The following STXBP3 variants were observed in gnomAD, a reference collection of about 807,000 sequenced individuals.
STXBP3 encodes the protein syntaxin-binding protein 3.
In STXBP3, 41 loss-of-function variants were observed where a neutral mutation model predicts 85.7. The ratio of observed to expected loss-of-function variants is 0.48; its 90% CI spans 0.37 to 0.62. The LOEUF is 0.62. STXBP3 is among the 20% of genes least tolerant of loss of function. The pLI, the probability that STXBP3 is intolerant of heterozygous loss-of-function variation, is 0.00. For synonymous variants in STXBP3, 229 were observed against 231.7 expected (o/e 0.99, Z 0.10); for missense variants, 563 against 703.1 (o/e 0.80, Z 2.25).
At chr1:108,791,984 G>C (rs563100265) in intron 11 of STXBP3, among the ~76,000 whole-genome samples, 5 of 152,194 alleles carry the variant, frequency 3.3e-5, no homozygotes, top group African/African-American at 7.2e-5. Context: ...TTTTATTGCT[G>C]AGTAGTATTC....
At chr1:108,755,380 A>C (rs1661997815) in intron 3 of STXBP3, among the ~76,000 whole-genome samples, 1 of 152,072 alleles carries the variant, frequency 6.6e-6, no homozygotes, top group South Asian at 2.1e-4. Flanking sequence ...CAGGGAAGTC[A>C]AGGCTGCAGT....
intron 6 of STXBP3, among the ~76,000 whole-genome samples, chr1:108,770,528 C>T (rs1351046722): frequency 1.3e-5 from 2 of 152,176 alleles, no homozygotes; most frequent in African/African-American, 2.4e-5. Context: ...GGATGAGCCA[C>T]AGCTAAATTT....
At chr1:108,747,356 A>G (rs1032262586) in intron 1 of STXBP3, among the ~76,000 whole-genome samples, 11 of 152,158 alleles carry the variant, frequency 7.2e-5, no homozygotes, top group African/African-American at 2.7e-4. Context: ...TCTTGAGAAG[A>G]GACCATTGGA....
At position 108,793,022 on chromosome 1, in the gene STXBP3, A is replaced by G. The variant is rs546244145; in HGVS notation, c.964-560A>G. On this transcript the variant is annotated intron_variant, in intron 11 of 18. Coordinates refer to ENST00000370008, the MANE Select transcript of STXBP3 (RefSeq NM_007269.4). ...GTTCTTTACTACACCTTTGAGGGTT[A>G]TGCCCTGTACATGTGCAGCTTAGGG... Among the ~76,000 whole-genome samples, 3 of 152,200 alleles carry G rather than the reference A, an allele frequency of 2.0e-5. No homozygotes were observed. In the East Asian group the frequency reaches 5.8e-4, roughly 29 times the overall value.
intron 8 of STXBP3, among the ~76,000 whole-genome samples, chr1:108,778,796 T>G (rs548858776): frequency 2.2e-4 from 34 of 152,306 alleles, no homozygotes; most frequent in African/African-American, 7.2e-4. Flanking sequence ...AGTTGTCCCT[T>G]GGTAAACACA....
At chr1:108,791,762 T>C (rs915964146) in intron 11 of STXBP3, among the ~76,000 whole-genome samples, 1 of 152,136 alleles carries the variant, frequency 6.6e-6, no homozygotes, top group South Asian at 2.1e-4. Flanking sequence ...TAGAGAATAA[T>C]GTCATCACCC....
chr1:108,748,357 C>CA (rs1171764672), intron 1 of STXBP3, among the ~76,000 whole-genome samples: 2 of 151,940 alleles, frequency 1.3e-5, no homozygotes, highest in Non-Finnish European at 2.9e-5. Flanking sequence ...CCCATCTCTA[C>CA]AAAAAAATTT....
At chr1:108,802,501 C>G (rs940603501) in intron 17 of STXBP3, among the ~76,000 whole-genome samples, 18 of 152,150 alleles carry the variant, frequency 1.2e-4, no homozygotes, top group African/African-American at 4.3e-4. Flanking sequence ...CGCCTCACTG[C>G]CCCACCTTGA....
intron 11 of STXBP3, among the ~76,000 whole-genome samples, chr1:108,791,728 A>G (rs1043953612): frequency 6.6e-6 from 1 of 152,126 alleles, no homozygotes; most frequent in African/African-American, 2.4e-5. Context: ...GCACACTCTC[A>G]TATAACCACT....
At chr1:108,770,361 G>A (rs538504912) in intron 6 of STXBP3, among the ~76,000 whole-genome samples, 1 of 152,292 alleles carries the variant, frequency 6.6e-6, no homozygotes, top group South Asian at 2.1e-4. Context: ...GAGTGGGAGG[G>A]AGAAGCCTTG....
chr1:108,790,834 C>A (rs1013173026), intron 11 of STXBP3, among the ~76,000 whole-genome samples: 1 of 151,748 alleles, frequency 6.6e-6, no homozygotes, highest in Non-Finnish European at 1.5e-5. Flanking sequence ...TAACTTTATC[C>A]CCTTTCTCTT....
chr1:108,756,794 G>A, intron 4 of STXBP3, 28 bp downstream of exon 4: 1 of 1,511,204 alleles, frequency 6.6e-7, no homozygotes. Context: ...TTAAAAAGCA[G>A]GTTCATCAAT....
Position 108,794,827 on chromosome 1 carries a change from C to A in STXBP3, c.1030C>A (p.Gln344Lys), listed in dbSNP as rs1360637581. The A allele has an allele frequency of 1.2e-6, 2 of 1,608,794 alleles. No individual in the cohort carries two copies. Among genetic ancestry groups the A allele is most frequent in the Non-Finnish European group, 1.7e-6 (2 of 1,177,122 alleles). Reference protein sequence around the residue: ...MPHFRKQITKQVVHLNLAEDC... With the variant: ...MPHFRKQITKKVVHLNLAEDC... ...ATGATTGATTTCTTCTGTTTTTCAG[C>A]AAGTTGTCCATCTTAACTTAGCAGA... The change falls in exon 13 of 19, where the codon CAA becomes AAA. Residue 344 changes from glutamine to lysine, a missense_variant and splice_region_variant. This residue lies in a region of STXBP3 where 494 missense variants were observed against 592.8 expected (regional missense o/e 0.83). Coordinates refer to ENST00000370008, the MANE Select transcript of STXBP3 (RefSeq NM_007269.4).
At chr1:108,804,476 T>A (rs559480544) in intron 17 of STXBP3, among the ~76,000 whole-genome samples, 18 of 152,354 alleles carry the variant, frequency 1.2e-4, no homozygotes, top group African/African-American at 4.3e-4. Context: ...CTATATCTAA[T>A]AAATTCACTA....
chr1:108,753,837 G>A (rs1261350210), intron 3 of STXBP3, among the ~76,000 whole-genome samples: 1 of 151,926 alleles, frequency 6.6e-6, no homozygotes, highest in Non-Finnish European at 1.5e-5. Flanking sequence ...ACCCTATGAA[G>A]ACAGATAAAT....
chr1:108,796,102 G>C, intron 13 of STXBP3, 132 bp from the exon 14 acceptor site: 9 of 809,838 alleles, frequency 1.1e-5, no homozygotes, highest in Non-Finnish European at 1.7e-5. Flanking sequence ...CCTGACCTCA[G>C]GTGATCTGCC....
chr1:108,773,488 T>A (rs1031815116), intron 7 of STXBP3, among the ~76,000 whole-genome samples: 1 of 152,110 alleles, frequency 6.6e-6, no homozygotes, highest in African/African-American at 2.4e-5. Context: ...ATATTAAACA[T>A]TGAAAGAAAT....
chr1:108,796,399 A>G, intron 14 of STXBP3, 27 bp downstream of exon 14: 1 of 1,404,016 alleles, frequency 7.1e-7, no homozygotes, highest in Non-Finnish European at 9.8e-7. Flanking sequence ...CTTTTTAATA[A>G]GTATTTTACT....
intron 4 of STXBP3, 170 bp downstream of exon 4, chr1:108,756,936 C>T (rs866336142): frequency 2.5e-6 from 1 of 399,040 alleles, no homozygotes; most frequent in Non-Finnish European, 4.5e-6. Flanking sequence ...TGCATTCTTC[C>T]GAATGAGAAT....
Sources: gnomAD v4.1 joint callset for allele counts (sites outside exome capture counted in the v4.1 genomes callset) on GRCh38, gnomAD v4.1.1 for gene constraint, gnomAD v4.1.1 regional missense constraint, MANE v1.5 for transcripts, NCBI Gene and HGNC (gene_info 2026-07-23, HGNC 2026-07-21) for gene names.